Variants in CLASP2 observed in about 807,000 individuals in gnomAD.
CLASP2 encodes CLIP-associating protein 2.
Under a neutral mutation model 194.4 loss-of-function variants are expected in CLASP2, and 47 were observed. That is an observed-to-expected ratio of 0.24 (90% CI 0.19 to 0.31). The LOEUF is 0.31. Ranked by LOEUF, CLASP2 falls within the 10% of genes least tolerant of loss-of-function variation. The pLI is 1.00. For synonymous variants in CLASP2, 619 were observed against 633.5 expected, an observed-to-expected ratio of 0.98 and a Z score of 0.34; for missense variants, 1,445 against 1,823.6, an observed-to-expected ratio of 0.79 and a Z score of 3.78.
At chr3:33,606,209 G>A (rs1164131437) in intron 16 of CLASP2, among the ~76,000 whole-genome samples, 1 of 151,926 alleles carries the variant, frequency 6.6e-6, no homozygotes, top group African/African-American at 2.4e-5. Flanking sequence ...GGTTAGGAAG[G>A]AAAGCAGACT....
intron 35 of CLASP2, 136 bp downstream of exon 35, chr3:33,516,845 A>G: frequency 2.7e-6 from 2 of 745,816 alleles, no homozygotes; most frequent in Admixed American, 3.0e-5. Context: ...AGTACTTCAC[A>G]GTGAAAAGTT....
chr3:33,700,317 C>T lies in CLASP2; in HGVS notation c.196-3384G>A, dbSNP rs187503672. 9.6e-4 allele frequency among the ~76,000 whole-genome samples: 146 copies of T among 152,118 alleles called. 1 individual carries two copies. The East Asian group carries it at 0.025, about 26-fold the overall frequency. On this transcript the variant is annotated intron_variant, in intron 1 of 38. Coordinates refer to ENST00000682230, the MANE Select transcript of CLASP2 (RefSeq NM_001365631.1). ...TGGCACATACCTGTAATCCCAGCTACTCAGGAGGCTGAGGCACGAGAATCA... is the reference window on the plus strand; with the variant it reads ...TGGCACATACCTGTAATCCCAGCTATTCAGGAGGCTGAGGCACGAGAATCA...
chr3:33,576,813 G>A (rs187781068), intron 23 of CLASP2, among the ~76,000 whole-genome samples: 1 of 152,086 alleles, frequency 6.6e-6, no homozygotes, highest in African/African-American at 2.4e-5. Flanking sequence ...GACATTCTGA[G>A]GCATACAGAG....
intron 2 of CLASP2, among the ~76,000 whole-genome samples, chr3:33,696,383 C>CTTT: frequency 9.9e-6 from 1 of 100,872 alleles, no homozygotes; most frequent in Non-Finnish European, 1.9e-5. Flanking sequence ...TTTTTTGCCT[C>CTTT]AAAGGTGATT....
chr3:33,713,012 CAAAAAAAAAA>C (rs57940200), intron 1 of CLASP2, among the ~76,000 whole-genome samples: 85 of 47,008 alleles, frequency 1.8e-3, no homozygotes, highest in Non-Finnish European at 2.0e-3. Context: ...AACTCCACCT[CAAAAAAAAAA>C]AAAAAAAAAA....
chr3:33,602,820 T>C lies in CLASP2; in HGVS notation c.1924+132A>G, dbSNP rs750888529. 3.3e-5 allele frequency: 32 copies of C among 970,824 alleles called. 1 individual carries two copies. Among genetic ancestry groups the C allele is most frequent in the South Asian group, 3.0e-4 (22 of 72,484 alleles). The allele number at this position is 970,824 out of a possible 1,614,324, so 60.1% of individuals were successfully genotyped here. A position where few individuals can be genotyped will look rare whatever the true frequency, so the allele number is the denominator to read the frequency against. On this transcript the variant is annotated intron_variant, in intron 18 of 38. Coordinates refer to ENST00000682230, the MANE Select transcript of CLASP2 (RefSeq NM_001365631.1). ...ATTCCTCAGAAGTGTGTCCGCAATA[T>C]AGAATTATATTAAAACATATGGACT... is the stretch of plus-strand genomic sequence containing the variant.
chr3:33,604,263 T>C (rs2073141497), intron 16 of CLASP2, 54 bp from the exon 17 acceptor site: 2 of 1,082,074 alleles, frequency 1.8e-6, no homozygotes, highest in African/African-American at 1.6e-5. Context: ...ACTCCTCTGA[T>C]AAAAACCAAT....
At chr3:33,525,715 C>T (rs1417282427) in intron 34 of CLASP2, among the ~76,000 whole-genome samples, 3 of 152,230 alleles carry the variant, frequency 2.0e-5, no homozygotes, top group East Asian at 3.8e-4. Flanking sequence ...GCCTCAGATA[C>T]TCGGGCTTTC....
chr3:33,567,460 C>A (rs1029586780), intron 26 of CLASP2, among the ~76,000 whole-genome samples: 1 of 152,132 alleles, frequency 6.6e-6, no homozygotes, highest in Non-Finnish European at 1.5e-5. Flanking sequence ...CAATTCAAAG[C>A]ATGCACCACA....
intron 22 of CLASP2, 53 bp from the exon 23 acceptor site, chr3:33,581,981 T>A (rs535237315): frequency 2.3e-6 from 3 of 1,319,586 alleles, no homozygotes; most frequent in Non-Finnish European, 3.2e-6. Context: ...AGAACAGAGT[T>A]TGCATTTTAA....
chr3:33,527,484 T>A (rs1201570622), intron 34 of CLASP2, among the ~76,000 whole-genome samples: 1 of 151,978 alleles, frequency 6.6e-6, no homozygotes, highest in African/African-American at 2.4e-5. Flanking sequence ...AGCCTACCAA[T>A]AATAATAATA....
At chr3:33,639,171 C>T (rs2080812045) in intron 8 of CLASP2, among the ~76,000 whole-genome samples, 1 of 152,140 alleles carries the variant, frequency 6.6e-6, no homozygotes, top group Non-Finnish European at 1.5e-5. Flanking sequence ...GATCCTCCCA[C>T]CTCAGCCTCC....
intron 12 of CLASP2, 62 bp from the exon 13 acceptor site, chr3:33,612,133 A>G (rs1010768113): frequency 3.9e-5 from 38 of 983,788 alleles, no homozygotes; most frequent in Non-Finnish European, 5.7e-5. Flanking sequence ...CCTTTCTTCT[A>G]TTTGCCTTAC....
At chr3:33,511,956 G>C (rs1175023262) in intron 36 of CLASP2, among the ~76,000 whole-genome samples, 4 of 45,364 alleles carry the variant, frequency 8.8e-5, no homozygotes, top group Admixed American at 3.8e-4. Flanking sequence ...TACACTGTTG[G>C]TGGGACTGTA....
At chr3:33,519,454 ATAAT>A (rs2052345204) in intron 34 of CLASP2, among the ~76,000 whole-genome samples, 1 of 152,330 alleles carries the variant, frequency 6.6e-6, no homozygotes, top group South Asian at 2.1e-4. Flanking sequence ...TCTGACTTGA[ATAAT>A]TATCTTTTGC....
In CLASP2 at chr3:33,510,741, C is replaced by T. The variant is rs372323844; in HGVS notation, c.4134G>A (p.Ala1378=). 2.2e-5 allele frequency: 36 copies of T among 1,611,436 alleles called. No homozygotes were observed. The highest frequency in any genetic ancestry group is 5.3e-5 in the African/African-American group (4 of 74,782). The change falls in exon 37 of 39, where the codon GCG becomes GCA. Residue 1378 remains alanine (A), a synonymous_variant. Transcript: ENST00000682230. ...HKEVVRSAEE[A]ASVLATSISP... The stretch of plus-strand genomic sequence containing the variant: ...TAATTGAAGTGGCCAACACTGATGC[C>T]GCTTCCTCAGCAGATCTCACCACCT...
intron 22 of CLASP2, among the ~76,000 whole-genome samples, chr3:33,584,287 T>G (rs562944173): frequency 6.7e-6 from 1 of 150,266 alleles, no homozygotes; most frequent in South Asian, 2.1e-4. Context: ...TTTGGGTTTT[T>G]TTTTTTTTTT....
chr3:33,704,889 A>C (rs1423188534), intron 1 of CLASP2, among the ~76,000 whole-genome samples: 1 of 152,172 alleles, frequency 6.6e-6, no homozygotes, highest in Non-Finnish European at 1.5e-5. Context: ...GAAAATGGAA[A>C]ATGTCAAATG....
Position 33,530,120 on chromosome 3 carries a change from T to TA in CLASP2, c.3787+5112dup, listed in dbSNP as rs1366698287. On this transcript the variant is annotated intron_variant, in intron 34 of 38. Coordinates refer to ENST00000682230, the MANE Select transcript of CLASP2 (RefSeq NM_001365631.1). ...GAATGAGGCTGTTTTACAATTAACT[T>TA]AAAAAAAAAAATAAGTATGAGTACA... 9.9e-3 allele frequency among the ~76,000 whole-genome samples: 1,448 copies of TA among 145,640 alleles called. 29 individuals carry two copies. Among genetic ancestry groups the TA allele is most frequent in the African/African-American group, 0.033 (1,336 of 39,910 alleles).
Sources: gnomAD v4.1 joint callset for allele counts (sites outside exome capture counted in the v4.1 genomes callset) on GRCh38, gnomAD v4.1.1 for gene constraint, MANE v1.5 for transcripts, NCBI Gene and HGNC (gene_info 2026-07-23, HGNC 2026-07-21) for gene names.